KLHL6: variants seen among roughly 807,000 people sequenced by gnomAD.
The protein encoded by KLHL6 is kelch like family member 6, also known as kelch-like protein 6.
KLHL6 carries 41 observed loss-of-function variants against 58.6 expected under a neutral mutation model. The ratio of observed to expected loss-of-function variants is 0.70; its 90% confidence interval spans 0.55 to 0.91. The LOEUF (loss-of-function observed/expected upper bound fraction) is 0.91. KLHL6 is among the 40% of genes least tolerant of loss of function. KLHL6 has a pLI of 0.00. For synonymous variants in KLHL6, 338 were observed against 322.7 expected (o/e 1.05, Z -0.51); for missense variants, 714 against 805.6 (o/e 0.89, Z 1.38).
rs897888506 is a variant in KLHL6, at chr3:183,499,849, T to C, written c.910-22A>G. ...TGATCTGGAAATCGATGGGGGTACA[T>C]GAAGGCAGGGACAACACAAAGTTTC... On this transcript the variant is annotated intron_variant, in intron 3 of 6. Coordinates refer to ENST00000341319, the MANE Select transcript of KLHL6 (RefSeq NM_130446.4). The surrounding 1 kb of genome is among the most constrained non-coding windows in gnomAD (Gnocchi z 4.6). 4 of 1,540,950 alleles carry C rather than the reference T, an allele frequency of 2.6e-6. No individual in the cohort carries two copies. The highest frequency in any genetic ancestry group is 1.4e-5 in the African/African-American group (1 of 71,616).
chr3:183,542,445 C>T (rs1036355151), intron 1 of KLHL6, among the ~76,000 whole-genome samples: 17 of 152,266 alleles, frequency 1.1e-4, no homozygotes, highest in Middle Eastern at 3.4e-3. Context: ...GGCACCTTCC[C>T]GGATGTGCTT....
chr3:183,505,925 C>G (rs1717988853), intron 3 of KLHL6, among the ~76,000 whole-genome samples: 1 of 152,180 alleles, frequency 6.6e-6, no homozygotes, highest in Non-Finnish European at 1.5e-5. Flanking sequence ...ACACCAGGCT[C>G]TGGTAAATTC....
chr3:183,540,010 CA>C (rs1712500773), intron 1 of KLHL6, among the ~76,000 whole-genome samples: 1 of 152,150 alleles, frequency 6.6e-6, no homozygotes, highest in South Asian at 2.1e-4. Context: ...CACAAAGATA[CA>C]ATGGACAGTT....
Position 183,494,233 on chromosome 3 carries a change from T to C in KLHL6, c.1196A>G (p.Asn399Ser). 6.2e-7 allele frequency: 1 copy of C among 1,614,132 alleles called. No homozygotes were observed. The highest frequency in any genetic ancestry group is 1.1e-5 in the South Asian group (1 of 91,082). ...TAAATACTCAATCTGAATCCACTTG[T>C]TGATCGAAGAATTATATTTCCAAAC... is the stretch of plus-strand genomic sequence containing the variant. ...HDVWKYNSSI[N>S]KWIQIEYLNI... is the part of the protein sequence containing the mutation. Residue 399 changes from asparagine to serine, a missense_variant, in exon 5 of 7, where the codon AAC (asparagine) becomes AGC (serine). By Grantham distance (46) the Asn-to-Ser change is conservative. Coordinates refer to ENST00000341319, the MANE Select transcript of KLHL6 (RefSeq NM_130446.4).
chr3:183,507,703 G>A (rs112320831), intron 3 of KLHL6, among the ~76,000 whole-genome samples: 18 of 152,216 alleles, frequency 1.2e-4, no homozygotes, highest in Middle Eastern at 3.4e-3. Context: ...CAAACTGCTG[G>A]GATTACAGGT....
At position 183,499,441 on chromosome 3, in the gene KLHL6, C is replaced by A; in HGVS notation, c.1147+149G>T. ...CAATGTACTCTCCAAGATAAGACCA[C>A]CTGAGCTCCTGGGTCCATATCCTGT... On this transcript the variant is annotated intron_variant, in intron 4 of 6. Transcript: ENST00000341319. The surrounding 1 kb of genome is among the most constrained non-coding windows in gnomAD (Gnocchi z 4.6). 3.3e-6 allele frequency: 2 copies of A among 603,670 alleles called. No homozygotes were observed. The highest frequency in any genetic ancestry group is 3.0e-6 in the Non-Finnish European group (1 of 338,530). The allele number at this position is 603,670 out of a possible 1,614,324, so 37.4% of individuals were successfully genotyped here.
chr3:183,535,933 G>A (rs1408272826), intron 1 of KLHL6, among the ~76,000 whole-genome samples: 11 of 152,098 alleles, frequency 7.2e-5, no homozygotes, highest in African/African-American at 1.9e-4. Flanking sequence ...CCGCCACCAC[G>A]CATGGCTAAT....
chr3:183,501,518 C>T (rs1283565796), intron 3 of KLHL6, among the ~76,000 whole-genome samples: 2 of 152,214 alleles, frequency 1.3e-5, no homozygotes, highest in Admixed American at 6.5e-5. Flanking sequence ...AAGCTCCCCT[C>T]GTCTTATCTG....
intron 1 of KLHL6, among the ~76,000 whole-genome samples, chr3:183,529,561 G>A (rs753471555): frequency 1.1e-4 from 17 of 152,142 alleles, no homozygotes; most frequent in Non-Finnish European, 2.2e-4. Flanking sequence ...TGGGGGACCG[G>A]GGGTGGGGGC....
Position 183,491,589 on chromosome 3 carries a change from C to T in KLHL6, c.*338G>A. ...TAGCCTCTGTGAAACTTGGTTCCCTCACCTGTAAACTAGAAGTGATAAGAG... is the reference window on the plus strand; with the variant it reads ...TAGCCTCTGTGAAACTTGGTTCCCTTACCTGTAAACTAGAAGTGATAAGAG... On this transcript the variant is annotated 3_prime_UTR_variant, in exon 7 of 7. Coordinates refer to ENST00000341319, the MANE Select transcript of KLHL6 (RefSeq NM_130446.4). 4.4e-6 allele frequency: 1 copy of T among 224,792 alleles called. No homozygotes were observed. The highest frequency in any genetic ancestry group is 8.6e-6 in the Non-Finnish European group (1 of 115,622). 13.9% of individuals were successfully genotyped at this position (224,792 alleles called of 1,614,324 possible).
rs116370161 is a variant in KLHL6, at chr3:183,546,541, G to A, written c.293+8820C>T. 2.1e-3 allele frequency among the ~76,000 whole-genome samples: 313 copies of A among 152,236 alleles called. 1 individual carries two copies. The highest frequency in any genetic ancestry group is 6.8e-3 in the Middle Eastern group (2 of 294). On this transcript the variant is annotated intron_variant, in intron 1 of 6. Transcript: ENST00000341319. ...TGGGTGGCTTCGGGCTGCGGTCCTGGCCCCTGTCTAGCCTCCCTTGCACCT... is the reference window on the plus strand; with the variant it reads ...TGGGTGGCTTCGGGCTGCGGTCCTGACCCCTGTCTAGCCTCCCTTGCACCT...
chr3:183,544,911 CCAAT>C (rs1376499889), intron 1 of KLHL6: 2 of 152,172 alleles, frequency 1.3e-5, no homozygotes, highest in African/African-American at 4.8e-5. Context: ...TGGGGCTGAG[CCAAT>C]CAGAGTCTTT....
intron 2 of KLHL6, among the ~76,000 whole-genome samples, chr3:183,523,564 C>G (rs921758945): frequency 6.6e-6 from 1 of 152,164 alleles, no homozygotes; most frequent in African/African-American, 2.4e-5. Context: ...TGTTATGTAC[C>G]GTAGGGATCC....
intron 1 of KLHL6, among the ~76,000 whole-genome samples, chr3:183,545,915 C>G (rs554390553): frequency 6.6e-6 from 1 of 152,342 alleles, no homozygotes; most frequent in East Asian, 1.9e-4. Flanking sequence ...ACTTCCTGCT[C>G]TGGCCAGGAT....
Position 183,494,298 on chromosome 3 carries a change from G to A in KLHL6, c.1148-17C>T. ...CTTTGCCACCTGCAAGAGATACAAA[G>A]CATTTAAGAAACCATCAGATGTGTC... On this transcript the variant is annotated splice_polypyrimidine_tract_variant and intron_variant, in intron 4 of 6. Coordinates refer to ENST00000341319, the MANE Select transcript of KLHL6 (RefSeq NM_130446.4). The A allele has an allele frequency of 3.1e-6, 5 of 1,595,134 alleles. No individual in the cohort carries two copies. The highest frequency in any genetic ancestry group is 1.1e-5 in the South Asian group (1 of 90,626).
intron 2 of KLHL6, among the ~76,000 whole-genome samples, chr3:183,516,102 G>C (rs1169308838): frequency 6.6e-6 from 1 of 152,174 alleles, no homozygotes; most frequent in Admixed American, 6.5e-5. Flanking sequence ...GCATTGTTGA[G>C]CTAACAAAAT....
At chr3:183,553,879 T>C (rs562735237) in intron 1 of KLHL6, among the ~76,000 whole-genome samples, 13 of 151,320 alleles carry the variant, frequency 8.6e-5, no homozygotes, top group Admixed American at 6.6e-4. Flanking sequence ...AACCCAGATA[T>C]CCCCTTGTCT....
chr3:183,546,464 G>T (rs1294991330), intron 1 of KLHL6, among the ~76,000 whole-genome samples: 1 of 152,164 alleles, frequency 6.6e-6, no homozygotes, highest in East Asian at 1.9e-4. Context: ...CAGCTGTGCA[G>T]CTGTGGCCCC....
At chr3:183,553,012 C>T (rs1350001086) in intron 1 of KLHL6, among the ~76,000 whole-genome samples, 1 of 152,080 alleles carries the variant, frequency 6.6e-6, no homozygotes, top group African/African-American at 2.4e-5. Flanking sequence ...CAGGGCCTGG[C>T]CCACAGTAAG....
Sources: allele counts gnomAD v4.1 joint callset (sites outside exome capture counted in the v4.1 genomes callset), GRCh38; gene constraint gnomAD v4.1.1; non-coding constraint Gnocchi (gnomAD v3.1); transcripts MANE v1.5; gene names NCBI Gene and HGNC (gene_info 2026-07-23, HGNC 2026-07-21).